The following UBR4 variants were observed in gnomAD, a reference collection of about 807,000 sequenced individuals.
UBR4 encodes the protein E3 ubiquitin-protein ligase UBR4.
UBR4 carries 124 observed loss-of-function variants against 575.6 expected under a neutral mutation model. The ratio of observed to expected loss-of-function variants is 0.22; its 90% CI spans 0.19 to 0.25. UBR4 has a LOEUF of 0.25. UBR4 is among the 10% of genes least tolerant of loss of function. UBR4 has a pLI of 1.00. For missense variants in UBR4, 4,818 were observed against 6,478.8 expected (o/e 0.74, Z 8.80); for synonymous variants, 2,455 against 2,473.7 (o/e 0.99, Z 0.22).
chr1:19,141,640 G>A lies in UBR4; in HGVS notation c.8310+7C>T. 2.5e-6 allele frequency: 4 copies of A among 1,613,892 alleles called. No homozygotes were observed. The highest frequency in any genetic ancestry group is 3.4e-6 in the Non-Finnish European group (4 of 1,179,874). ...CTCCTCCCCTTCTCCTGCTGCCAGA[G>A]ACTCACCACCATCTCAAAATCTCCA... On this transcript the variant is annotated splice_region_variant and intron_variant, in intron 56 of 105. Coordinates refer to ENST00000375254, the MANE Select transcript of UBR4 (RefSeq NM_020765.3).
chr1:19,164,901 C>G lies in UBR4; in HGVS notation c.4409G>C (p.Arg1470Pro). The stretch of plus-strand genomic sequence containing the variant: ...ATCTTTTGGGGGCGATGTAGTCATG[C>G]GGGTGAGCCAGGCCTGCAGGCGCAC... ...EPVRLQAWLT[R>P]MTTSPPKDSD... Residue 1470 changes from arginine to proline, a missense_variant, in exon 32 of 106, where the codon CGC (arginine) becomes CCC (proline). Coordinates refer to ENST00000375254, the MANE Select transcript of UBR4 (RefSeq NM_020765.3). 6.2e-7 allele frequency: 1 copy of G among 1,614,146 alleles called. No homozygotes were observed. The highest frequency in any genetic ancestry group is 8.5e-7 in the Non-Finnish European group (1 of 1,180,026).
At chr1:19,162,738 T>A in intron 34 of UBR4, 127 bp from the exon 35 acceptor site, 1 of 1,186,646 alleles carries the variant, frequency 8.4e-7, no homozygotes, top group Non-Finnish European at 1.1e-6. Context: ...AGAAAAACAG[T>A]GTGTTTTTAT....
intron 49 of UBR4, among the ~76,000 whole-genome samples, chr1:19,149,521 C>T (rs1448604520): frequency 1.3e-5 from 2 of 152,114 alleles, no homozygotes; most frequent in Non-Finnish European, 2.9e-5. Context: ...GCAGAGAGGA[C>T]TAGGGTAAGG....
At position 19,089,747 on chromosome 1, in the gene UBR4, G is replaced by A. The variant is rs2077339378; in HGVS notation, c.14212-770C>T. On this transcript the variant is annotated intron_variant, in intron 97 of 105. Transcript: ENST00000375254. This position sits in a 1 kb window ranked among gnomAD's most constrained non-coding sequence, Gnocchi z 4.3. ...GCAATGATTACATATGAGACAACAG[G>A]CTGAAAATAACACAGCCAGCAGATC... Among the ~76,000 whole-genome samples, 1 of 152,176 alleles carries A rather than the reference G, an allele frequency of 6.6e-6. No individual in the cohort carries two copies. Among genetic ancestry groups the A allele is most frequent in the South Asian group, 2.1e-4 (1 of 4,820 alleles).
chr1:19,075,680 C>T (rs544723479), intron 105 of UBR4, among the ~76,000 whole-genome samples: 4 of 152,334 alleles, frequency 2.6e-5, no homozygotes, highest in Admixed American at 2.0e-4. Context: ...GCAGCCAATG[C>T]GGAGGCACAG....
Position 19,158,118 on chromosome 1 carries a change from G to T in UBR4, c.5578-121C>A, listed in dbSNP as rs184476769. 9.1e-6 allele frequency: 10 copies of T among 1,092,900 alleles called. No individual in the cohort carries two copies. The Admixed American group carries it at 2.5e-4, about 27-fold the overall frequency. The allele number at this position is 1,092,900 out of a possible 1,614,324, so 67.7% of individuals were successfully genotyped here. The stretch of plus-strand genomic sequence containing the variant: ...TCAGTCATTCAAAAGCAGTGATTTC[G>T]GCCTCCAAACCGTGGATGGCTGTGT... On this transcript the variant is annotated intron_variant, in intron 39 of 105. Coordinates refer to ENST00000375254, the MANE Select transcript of UBR4 (RefSeq NM_020765.3).
chr1:19,188,771 C>G (rs1464413591), intron 11 of UBR4, among the ~76,000 whole-genome samples: 1 of 152,094 alleles, frequency 6.6e-6, no homozygotes, highest in Non-Finnish European at 1.5e-5. Context: ...AGTGCAAGAC[C>G]AGCCTGGTCA....
intron 83 of UBR4, among the ~76,000 whole-genome samples, 199 bp downstream of exon 83, chr1:19,106,370 T>C (rs2079196940): frequency 6.6e-6 from 1 of 152,154 alleles, no homozygotes; most frequent in African/African-American, 2.4e-5. Context: ...GCAGAGGAAG[T>C]TCTGTTTCGG....
chr1:19,142,071 T>A (rs751051090), intron 55 of UBR4, among the ~76,000 whole-genome samples: 1 of 152,226 alleles, frequency 6.6e-6, no homozygotes, highest in Non-Finnish European at 1.5e-5. Flanking sequence ...GTGAGAGATC[T>A]AAAACCAGTA....
At position 19,164,510 on chromosome 1, in the gene UBR4, G is replaced by C; in HGVS notation, c.4512-69C>G. On this transcript the variant is annotated intron_variant, in intron 32 of 105. Transcript: ENST00000375254. ...TCTCATTCTGTGTGTTATAAAGGAA[G>C]TTTTAAATTAAACATTAAATACATA... 3.3e-6 allele frequency: 5 copies of C among 1,496,862 alleles called. No homozygotes were observed. The South Asian group carries it at 6.2e-5, about 19-fold the overall frequency. 92.7% of individuals were successfully genotyped at this position (1,496,862 alleles called of 1,614,324 possible).
intron 11 of UBR4, among the ~76,000 whole-genome samples, chr1:19,191,711 G>C (rs1332966823): frequency 2.0e-5 from 3 of 152,092 alleles, no homozygotes; most frequent in Non-Finnish European, 4.4e-5. Flanking sequence ...ATAAAATCCA[G>C]AAACACCTGG....
At chr1:19,196,387 C>A (rs933439069) in intron 8 of UBR4, among the ~76,000 whole-genome samples, 1 of 152,172 alleles carries the variant, frequency 6.6e-6, no homozygotes, top group African/African-American at 2.4e-5. Flanking sequence ...AAGGTCAGGT[C>A]TCCAAGACTA....
chr1:19,110,075 G>C lies in UBR4; in HGVS notation c.12105+21C>G. 6.2e-7 allele frequency: 1 copy of C among 1,613,586 alleles called. No homozygotes were observed. Among genetic ancestry groups the C allele is most frequent in the Non-Finnish European group, 8.5e-7 (1 of 1,179,952 alleles). On this transcript the variant is annotated intron_variant, in intron 81 of 105. Transcript: ENST00000375254. The surrounding 1 kb of genome is among the most constrained non-coding windows in gnomAD (Gnocchi z 4.5). ...GTGGCCGCCCTGCCCTTCCTTGTTA[G>C]ACCCCTGCTTGGCCCAGTACCTTGT... is the stretch of plus-strand genomic sequence containing the variant.
chr1:19,182,482 G>A (rs150026326), intron 17 of UBR4, among the ~76,000 whole-genome samples: 1 of 152,200 alleles, frequency 6.6e-6, no homozygotes, highest in East Asian at 1.9e-4. Context: ...CTCCCGAGTA[G>A]CTGAGACTAC....
chr1:19,117,739 T>C lies in UBR4; in HGVS notation c.10629+84A>G. The C allele has an allele frequency of 7.8e-7, 1 of 1,284,366 alleles. No individual in the cohort carries two copies. The highest frequency in any genetic ancestry group is 1.1e-6 in the Non-Finnish European group (1 of 888,164). 79.6% of individuals were successfully genotyped at this position (1,284,366 alleles called of 1,614,324 possible). On this transcript the variant is annotated intron_variant, in intron 72 of 105. Transcript: ENST00000375254. This position sits in a 1 kb window ranked among gnomAD's most constrained non-coding sequence, Gnocchi z 4.0. ...GACCAACCATTAGGAGAGGAACATC[T>C]ATGTGATAATGATCCATCTCTGGAA... is the stretch of plus-strand genomic sequence containing the variant.
intron 78 of UBR4, chr1:19,112,177 C>G (rs2079963686): frequency 4.0e-6 from 1 of 248,440 alleles, no homozygotes; most frequent in Non-Finnish European, 7.7e-6. Context: ...AGTCCAAGCT[C>G]TTAATCTCCA....
chr1:19,180,061 A>T (rs2090729000), intron 17 of UBR4, among the ~76,000 whole-genome samples: 1 of 152,236 alleles, frequency 6.6e-6, no homozygotes, highest in Admixed American at 6.5e-5. Context: ...AATGCAGAGC[A>T]TACTTTGTTG....
chr1:19,099,327 T>C (rs1361460827), intron 90 of UBR4, among the ~76,000 whole-genome samples: 1 of 152,240 alleles, frequency 6.6e-6, no homozygotes. Context: ...TGGCTTTCAG[T>C]TCTTGGGGTT....
Position 19,139,962 on chromosome 1 carries a change from G to A in UBR4, c.8594-742C>T, listed in dbSNP as rs566700386. On this transcript the variant is annotated intron_variant, in intron 58 of 105. Coordinates refer to ENST00000375254, the MANE Select transcript of UBR4 (RefSeq NM_020765.3). The surrounding 1 kb of genome is among the most constrained non-coding windows in gnomAD (Gnocchi z 4.2). ...CACAGAGCACAGCGGGAACACGACT[G>A]GCACAACACAACAGCAACCTCAGAG... Among the ~76,000 whole-genome samples, 1 of 152,200 alleles carries A rather than the reference G, an allele frequency of 6.6e-6. No homozygotes were observed. The highest frequency in any genetic ancestry group is 1.9e-4 in the East Asian group (1 of 5,182).
Sources: allele counts gnomAD v4.1 joint callset (sites outside exome capture counted in the v4.1 genomes callset), GRCh38; gene constraint gnomAD v4.1.1; non-coding constraint Gnocchi (gnomAD v3.1); transcripts MANE v1.5; gene names NCBI Gene and HGNC (gene_info 2026-07-23, HGNC 2026-07-21).